The following CNTNAP2 variants were observed in gnomAD, a reference collection of about 807,000 sequenced individuals.
The protein encoded by CNTNAP2 is contactin associated protein 2.
A neutral mutation model predicts 155.2 loss-of-function variants in CNTNAP2; 98 were observed. That is an observed-to-expected ratio of 0.63 (90% CI 0.54 to 0.75). The LOEUF is 0.75. Ranked by LOEUF, CNTNAP2 falls within the 30% of genes least tolerant of loss-of-function variation. The pLI, the probability that CNTNAP2 is intolerant of heterozygous loss-of-function variation, is 0.00. For synonymous variants in CNTNAP2, 651 were observed against 631.2 expected (o/e 1.03, Z -0.47); for missense variants, 1,727 against 1,688.1 (o/e 1.02, Z -0.40).
At chr7:147,576,498 C>T (rs1334369003) in intron 12 of CNTNAP2, among the ~76,000 whole-genome samples, 1 of 152,006 alleles carries the variant, frequency 6.6e-6, no homozygotes, top group Non-Finnish European at 1.5e-5. Flanking sequence ...ATTCTAGAAG[C>T]AGGATTGAGT....
In CNTNAP2 at chr7:147,540,359, C is replaced by T. The variant is rs185297870; in HGVS notation, c.1778-21779C>T. Among the ~76,000 whole-genome samples the T allele has an allele frequency of 2.3e-4, 35 of 152,264 alleles. No homozygotes were observed. In the East Asian group the frequency reaches 6.4e-3, roughly 28 times the overall value. On this transcript the variant is annotated intron_variant, in intron 11 of 23. Transcript: ENST00000361727. ...CTCCACTTCATTTTTCAGAATGCAG[C>T]TTAATACCTCCAAAGAAAGTCACCT...
At chr7:147,083,295 C>G (rs925866332) in intron 4 of CNTNAP2, 1 of 151,992 alleles carries the variant, frequency 6.6e-6, no homozygotes, top group Non-Finnish European at 1.5e-5. Flanking sequence ...CTGTCTGCTA[C>G]AGTTCATAAC....
chr7:147,224,993 C>T (rs911896358), intron 8 of CNTNAP2, among the ~76,000 whole-genome samples: 1 of 152,096 alleles, frequency 6.6e-6, no homozygotes, highest in Non-Finnish European at 1.5e-5. Context: ...AGCAAATCTC[C>T]CTTCCTTGTC....
intron 19 of CNTNAP2, among the ~76,000 whole-genome samples, chr7:148,228,413 G>GGGAC (rs1456708367): frequency 1.3e-5 from 2 of 152,134 alleles, no homozygotes; most frequent in African/African-American, 4.8e-5. Context: ...AGGGCAAAAA[G>GGGAC]GGACTCAGGG....
intron 1 of CNTNAP2, among the ~76,000 whole-genome samples, chr7:146,480,687 C>CTTTT (rs34440695): frequency 8.2e-6 from 1 of 121,214 alleles, no homozygotes; most frequent in Non-Finnish European, 1.7e-5. Context: ...TTTTTTTTTC[C>CTTTT]TTTTTTTTTT....
At chr7:148,319,799 A>C (rs561938951) in intron 21 of CNTNAP2, among the ~76,000 whole-genome samples, 1 of 151,960 alleles carries the variant, frequency 6.6e-6, no homozygotes, top group East Asian at 1.9e-4. Context: ...TAACAAGCTC[A>C]GGGCTCCCCT....
intron 9 of CNTNAP2, among the ~76,000 whole-genome samples, chr7:147,383,482 G>A (rs1042707560): frequency 6.6e-6 from 1 of 152,102 alleles, no homozygotes; most frequent in African/African-American, 2.4e-5. Flanking sequence ...ACATAGTGCT[G>A]CAATAAACGT....
At chr7:146,883,978 T>C (rs1022221468) in intron 3 of CNTNAP2, among the ~76,000 whole-genome samples, 3 of 152,148 alleles carry the variant, frequency 2.0e-5, no homozygotes, top group Non-Finnish European at 2.9e-5. Flanking sequence ...TTGGTTACTA[T>C]TGATGTTCAA....
At chr7:147,286,378 A>T (rs1805177876) in intron 8 of CNTNAP2, among the ~76,000 whole-genome samples, 1 of 152,114 alleles carries the variant, frequency 6.6e-6, no homozygotes, top group Admixed American at 6.6e-5. Flanking sequence ...TGCTTAGAAC[A>T]GAACAAAACA....
intron 3 of CNTNAP2, among the ~76,000 whole-genome samples, chr7:146,941,914 T>G (rs992701974): frequency 6.6e-6 from 1 of 152,074 alleles, no homozygotes; most frequent in Admixed American, 6.5e-5. Flanking sequence ...CTTGCTGTTT[T>G]CAGAATTCTC....
At chr7:146,678,894 T>C (rs2129169461) in intron 1 of CNTNAP2, among the ~76,000 whole-genome samples, 1 of 152,344 alleles carries the variant, frequency 6.6e-6, no homozygotes, top group South Asian at 2.1e-4. Flanking sequence ...TTTCAGATCA[T>C]AAATTGCTTA....
intron 1 of CNTNAP2, among the ~76,000 whole-genome samples, chr7:146,562,025 A>G (rs1798287469): frequency 6.6e-6 from 1 of 152,082 alleles, no homozygotes; most frequent in African/African-American, 2.4e-5. Context: ...CCTGGGCTCA[A>G]GCAATCCTCC....
chr7:147,149,036 G>A (rs908758428), intron 8 of CNTNAP2, among the ~76,000 whole-genome samples: 3 of 148,902 alleles, frequency 2.0e-5, no homozygotes, highest in Non-Finnish European at 4.4e-5. Flanking sequence ...GCAAGTTGCC[G>A]CTGCTGGCTG....
chr7:147,224,911 G>T (rs1803487066), intron 8 of CNTNAP2, among the ~76,000 whole-genome samples: 1 of 151,922 alleles, frequency 6.6e-6, no homozygotes, highest in Admixed American at 6.6e-5. Context: ...AGTAGATAGG[G>T]CTATTTTCTG....
intron 12 of CNTNAP2, among the ~76,000 whole-genome samples, chr7:147,617,658 A>T (rs575124745): frequency 6.6e-6 from 1 of 152,118 alleles, no homozygotes; most frequent in Non-Finnish European, 1.5e-5. Flanking sequence ...CAGGGTAGTA[A>T]GGTAAAAACA....
intron 13 of CNTNAP2, among the ~76,000 whole-genome samples, chr7:147,725,844 TCTTTTCTCCCCTCTGTCAAG>T (rs1796632720): frequency 6.6e-6 from 1 of 152,088 alleles, no homozygotes; most frequent in African/African-American, 2.4e-5. Flanking sequence ...GCTATAGGCC[TCTTTTCTCCCCTCTGTCAAG>T]TGAGGAACTA....
chr7:147,767,150 A>G (rs561618342), intron 13 of CNTNAP2, among the ~76,000 whole-genome samples: 2 of 152,216 alleles, frequency 1.3e-5, no homozygotes, highest in South Asian at 2.1e-4. Flanking sequence ...TCTCCATATA[A>G]ATAAGGGATA....
At chr7:147,003,688 G>A (rs1315351940) in intron 3 of CNTNAP2, among the ~76,000 whole-genome samples, 1 of 151,894 alleles carries the variant, frequency 6.6e-6, no homozygotes, top group East Asian at 1.9e-4. Flanking sequence ...GATTTTGAGA[G>A]ATAAAGCAAA....
intron 13 of CNTNAP2, among the ~76,000 whole-genome samples, chr7:147,684,158 T>C (rs1346310668): frequency 6.6e-6 from 1 of 151,810 alleles, no homozygotes; most frequent in African/African-American, 2.4e-5. Flanking sequence ...TTCAACAAAT[T>C]AGGCTGTTTT....
Sources: allele counts gnomAD v4.1 joint callset (sites outside exome capture counted in the v4.1 genomes callset), GRCh38; gene constraint gnomAD v4.1.1; transcripts MANE v1.5; gene names NCBI Gene and HGNC (gene_info 2026-07-23, HGNC 2026-07-21).